The following SLC14A2 variants were observed in gnomAD, a reference collection of about 807,000 sequenced individuals.
The protein encoded by SLC14A2 is solute carrier family 14 member 2.
SLC14A2 carries 91 observed loss-of-function variants against 104.6 expected under a neutral mutation model. That is an observed-to-expected ratio of 0.87 (90% CI 0.73 to 1.04). The LOEUF is 1.04. Ranked by LOEUF, SLC14A2 falls within the 50% of genes least tolerant of loss-of-function variation. The pLI, the probability that SLC14A2 is intolerant of heterozygous loss-of-function variation, is 0.00. For synonymous variants in SLC14A2, 476 were observed against 466.4 expected, an observed-to-expected ratio of 1.02 and a Z score of -0.27; for missense variants, 1,189 against 1,156.0, an observed-to-expected ratio of 1.03 and a Z score of -0.41.
intron 18 of SLC14A2, 59 bp from the exon 19 acceptor site, chr18:45,678,916 C>A: frequency 6.9e-7 from 1 of 1,450,156 alleles, no homozygotes; most frequent in South Asian, 1.2e-5. Context: ...GTAGAGCAAT[C>A]TTGAGGTGCT....
chr18:45,250,613 A>T (rs1490477512), intron 1 of SLC14A2, among the ~76,000 whole-genome samples: 2 of 151,886 alleles, frequency 1.3e-5, no homozygotes, highest in Non-Finnish European at 2.9e-5. Flanking sequence ...CTATCTGGGG[A>T]TGGGTAGTAT....
upstream of SLC14A2, among the ~76,000 whole-genome samples, chr18:45,613,096 G>A (rs551010488): frequency 6.4e-4 from 97 of 152,208 alleles, 1 homozygote; most frequent in Non-Finnish European, 1.2e-3. Context: ...GTGCAGTAGC[G>A]CAATCTCGGC....
At chr18:45,488,576 C>T (rs2144720681) in intron 2 of SLC14A2, among the ~76,000 whole-genome samples, 1 of 152,290 alleles carries the variant, frequency 6.6e-6, no homozygotes. Context: ...TTACAGTAAG[C>T]AGGTGGACTA....
chr18:45,500,950 C>T (rs544605340), intron 2 of SLC14A2, among the ~76,000 whole-genome samples: 1 of 152,278 alleles, frequency 6.6e-6, no homozygotes, highest in Admixed American at 6.5e-5. Flanking sequence ...CTCAAAAGGA[C>T]CTCCTTTGCA....
chr18:45,310,056 C>G (rs2085063437), intron 1 of SLC14A2, among the ~76,000 whole-genome samples: 1 of 151,990 alleles, frequency 6.6e-6, no homozygotes, highest in South Asian at 2.1e-4. Context: ...TCATGCTTTT[C>G]TATGGCCTAT....
intron 2 of SLC14A2, among the ~76,000 whole-genome samples, chr18:45,547,719 C>A (rs1295917353): frequency 2.6e-5 from 4 of 152,136 alleles, no homozygotes; most frequent in Non-Finnish European, 5.9e-5. Context: ...ATGAGATGAT[C>A]TTCATGAAGG....
At chr18:45,488,439 G>T (rs1013891587) in intron 2 of SLC14A2, among the ~76,000 whole-genome samples, 2 of 152,192 alleles carry the variant, frequency 1.3e-5, no homozygotes, top group African/African-American at 4.8e-5. Context: ...ACTTTCAGCA[G>T]GTACTGGTGG....
At chr18:45,411,967 C>T (rs973382914) in intron 1 of SLC14A2, among the ~76,000 whole-genome samples, 1 of 152,172 alleles carries the variant, frequency 6.6e-6, no homozygotes, top group African/African-American at 2.4e-5. Context: ...ACATGCACTC[C>T]CAACCAAGAA....
chr18:45,625,981 G>A, intron 3 of SLC14A2, 118 bp downstream of exon 3: 1 of 728,904 alleles, frequency 1.4e-6, no homozygotes, highest in Non-Finnish European at 2.0e-6. Flanking sequence ...GGGTGGATCT[G>A]CCCAGGACTG....
chr18:45,173,109 T>C, the SLC14A2 span, among the ~76,000 whole-genome samples: 1,636 of 152,268 alleles, frequency 0.011, 40 homozygotes, highest in African/African-American at 0.037. Flanking sequence ...GCCTGTGCAG[T>C]AATGAGTTTC....
At chr18:45,417,229 G>GTT (rs201446847) in intron 1 of SLC14A2, among the ~76,000 whole-genome samples, 4 of 151,810 alleles carry the variant, frequency 2.6e-5, no homozygotes, top group Non-Finnish European at 5.9e-5. Flanking sequence ...AAATTATGGG[G>GTT]TTTTTTTTAA....
At position 45,333,621 on chromosome 18, in the gene SLC14A2, T is replaced by A. The variant is rs1406784038; in HGVS notation, c.-125+120430T>A. 3.3e-5 allele frequency among the ~76,000 whole-genome samples: 5 copies of A among 152,204 alleles called. No homozygotes were observed. The South Asian group carries it at 1.0e-3, about 32-fold the overall frequency. On this transcript the variant is annotated intron_variant, in intron 1 of 20. Transcript: ENST00000586448. ...CTTTACTGAAGGCTCATGAAGAACA[T>A]CACCTTTTTGCTAGGCATGGCGGGA...
At chr18:45,414,271 G>A (rs1329159684) in intron 1 of SLC14A2, among the ~76,000 whole-genome samples, 4 of 152,206 alleles carry the variant, frequency 2.6e-5, no homozygotes, top group Admixed American at 2.6e-4. Flanking sequence ...GCTGGACTGA[G>A]CTGAGGTACA....
intron 10 of SLC14A2, among the ~76,000 whole-genome samples, chr18:45,654,136 C>CTG (rs1555718838): frequency 5.4e-5 from 3 of 55,082 alleles, no homozygotes; most frequent in African/African-American, 1.5e-4. Flanking sequence ...GGCAGGAATG[C>CTG]TGGGGGGGAC....
At chr18:45,262,612 G>C (rs2084551061) in intron 1 of SLC14A2, among the ~76,000 whole-genome samples, 1 of 152,156 alleles carries the variant, frequency 6.6e-6, no homozygotes, top group Admixed American at 6.5e-5. Flanking sequence ...CAACAATCTG[G>C]TGAAGCTAGA....
chr18:45,438,742 A>T (rs980186264), intron 1 of SLC14A2, among the ~76,000 whole-genome samples: 2 of 152,236 alleles, frequency 1.3e-5, no homozygotes, highest in East Asian at 3.8e-4. Context: ...AGCCTTATCT[A>T]TATCTATGAT....
intron 1 of SLC14A2, among the ~76,000 whole-genome samples, chr18:45,254,022 G>T (rs116192656): frequency 6.6e-6 from 1 of 152,120 alleles, no homozygotes; most frequent in African/African-American, 2.4e-5. Flanking sequence ...AGGACCGAAC[G>T]CTAGAAGGGG....
At position 45,582,807 on chromosome 18, in the gene SLC14A2, A is replaced by G. The variant is rs372241098; in HGVS notation, c.-34-41824A>G. On this transcript the variant is annotated intron_variant, in intron 2 of 20. Coordinates refer to the SLC14A2 transcript ENST00000586448. ...CTTCACATGGCATCTCCAATGTGAC[A>G]TACCCCTGGGAATTTCAAAGTTACC... Among the ~76,000 whole-genome samples, 17 of 152,240 alleles carry G rather than the reference A, an allele frequency of 1.1e-4. No homozygotes were observed. In the East Asian group the frequency reaches 3.3e-3, roughly 29 times the overall value.
intron 1 of SLC14A2, among the ~76,000 whole-genome samples, chr18:45,306,115 T>C (rs1216515322): frequency 6.6e-6 from 1 of 152,134 alleles, no homozygotes; most frequent in African/African-American, 2.4e-5. Flanking sequence ...CCCTTATCAG[T>C]AGAGTAGAAG....
Sources: allele counts gnomAD v4.1 joint callset (sites outside exome capture counted in the v4.1 genomes callset), GRCh38; gene constraint gnomAD v4.1.1; transcripts MANE v1.5; gene names NCBI Gene and HGNC (gene_info 2026-07-23, HGNC 2026-07-21).